Variants in TMCO1 observed in about 807,000 individuals in gnomAD.
TMCO1 encodes transmembrane and coiled-coil domains 1.
TMCO1 carries 29 observed loss-of-function variants against 29.3 expected under a neutral mutation model. The ratio of observed to expected loss-of-function variants is 0.99; its 90% CI spans 0.74 to 1.35. The LOEUF (loss-of-function observed/expected upper bound fraction) is 1.35. Among genes scored for constraint, TMCO1 ranks in the 40% most tolerant of loss-of-function variants. TMCO1 has a pLI of 0.00. For missense variants in TMCO1, 173 were observed against 225.5 expected, an observed-to-expected ratio of 0.77 and a Z score of 1.49; for synonymous variants, 80 against 77.1, an observed-to-expected ratio of 1.04 and a Z score of -0.20.
At chr1:165,752,226 T>A in intron 4 of TMCO1, 57 bp from the exon 5 acceptor site, 3 of 1,251,540 alleles carry the variant, frequency 2.4e-6, no homozygotes, top group African/African-American at 1.5e-5. Flanking sequence ...ATCTAAAGCA[T>A]ATCTCAAAAG....
At chr1:165,724,505 T>C (rs1650771344), downstream of TMCO1, 1 of 453,986 alleles carries the variant, frequency 2.2e-6, no homozygotes, top group Non-Finnish European at 4.4e-6. Context: ...ACCCCAAACC[T>C]GCAGCTTCAG....
rs532729479 is a variant in TMCO1, at chr1:165,736,995, T to C, written c.468+6172A>G. 1.2e-4 allele frequency among the ~76,000 whole-genome samples: 19 copies of C among 152,284 alleles called. No individual in the cohort carries two copies. In the East Asian group the frequency reaches 2.9e-3, roughly 23 times the overall value. On this transcript the variant is annotated intron_variant, in intron 6 of 6. Transcript: ENST00000367881. ...CTAATTTTTGTATTTTTTGTAGAGA[T>C]GAGATTTTGCTCTGTTATCCAGGCT...
intron 2 of TMCO1, among the ~76,000 whole-genome samples, chr1:165,765,739 C>T (rs1281399718): frequency 2.6e-5 from 4 of 152,068 alleles, no homozygotes; most frequent in Non-Finnish European, 5.9e-5. Context: ...AAGAGTATGG[C>T]TAGTATGTGT....
At chr1:165,732,588 C>T (rs1392641254) in intron 6 of TMCO1, among the ~76,000 whole-genome samples, 1 of 151,476 alleles carries the variant, frequency 6.6e-6, no homozygotes, top group Non-Finnish European at 1.5e-5. Flanking sequence ...AAAGAATGGA[C>T]CCTAACATAA....
At chr1:165,733,834 G>A (rs1651268626) in intron 6 of TMCO1, among the ~76,000 whole-genome samples, 1 of 152,186 alleles carries the variant, frequency 6.6e-6, no homozygotes, top group Admixed American at 6.5e-5. Flanking sequence ...CCATAATTGT[G>A]TCTTCTACTG....
chr1:165,725,571 G>A, downstream of TMCO1: 1 of 454,092 alleles, frequency 2.2e-6, no homozygotes, highest in Non-Finnish European at 4.4e-6. Flanking sequence ...CTAGACAGGA[G>A]ACAATCCATC....
At position 165,727,048 on chromosome 1, in the gene TMCO1, C is replaced by A. The variant is rs1434479908; in HGVS notation, c.*975G>T. 5 of 454,056 alleles carry A rather than the reference C, an allele frequency of 1.1e-5. No homozygotes were observed. In the East Asian group the frequency reaches 3.5e-4, roughly 32 times the overall value. 28.1% of individuals were successfully genotyped at this position (454,056 alleles called of 1,614,324 possible). A position where few individuals can be genotyped will look rare whatever the true frequency, so the allele number is the denominator to read the frequency against. ...GCATATTTATTGATAAGACTCCACA[C>A]AGGACTCCTAATTCCATAGATTATG... On this transcript the variant is annotated 3_prime_UTR_variant, in exon 7 of 7. Coordinates refer to ENST00000367881, the MANE Select transcript of TMCO1 (RefSeq NM_019026.6).
chr1:165,734,028 C>T (rs1174000534), intron 6 of TMCO1, among the ~76,000 whole-genome samples: 1 of 152,226 alleles, frequency 6.6e-6, no homozygotes, highest in African/African-American at 2.4e-5. Context: ...TAAAATAACA[C>T]ACCTATGGCA....
chr1:165,766,687 G>A (rs112502420), intron 2 of TMCO1, among the ~76,000 whole-genome samples: 5,190 of 152,194 alleles, frequency 0.034, 306 homozygotes, highest in African/African-American at 0.12. Flanking sequence ...GTCTGAGGCA[G>A]GAGGATCGCT....
intron 6 of TMCO1, among the ~76,000 whole-genome samples, chr1:165,735,196 T>C (rs1180881165): frequency 6.6e-6 from 1 of 152,194 alleles, no homozygotes; most frequent in Non-Finnish European, 1.5e-5. Flanking sequence ...ATCTTTCCAA[T>C]GAAAATGTCC....
intron 6 of TMCO1, among the ~76,000 whole-genome samples, chr1:165,731,176 G>A (rs982043094): frequency 6.6e-6 from 1 of 152,134 alleles, no homozygotes; most frequent in African/African-American, 2.4e-5. Flanking sequence ...TGGAATTACA[G>A]GCATGAGCCA....
chr1:165,745,659 T>C (rs958782182), intron 5 of TMCO1, among the ~76,000 whole-genome samples: 1 of 151,676 alleles, frequency 6.6e-6, no homozygotes, highest in Non-Finnish European at 1.5e-5. Flanking sequence ...AAACAGATGA[T>C]CAAAGTTAAA....
At chr1:165,742,391 T>C (rs1272142389) in intron 6 of TMCO1, among the ~76,000 whole-genome samples, 1 of 152,092 alleles carries the variant, frequency 6.6e-6, no homozygotes, top group Non-Finnish European at 1.5e-5. Flanking sequence ...GCCTCTAGGG[T>C]AGCTGGGACT....
intron 6 of TMCO1, among the ~76,000 whole-genome samples, chr1:165,738,693 TA>T (rs571362485): frequency 5.9e-5 from 9 of 152,308 alleles, no homozygotes; most frequent in African/African-American, 1.9e-4. Flanking sequence ...TTATAATTAA[TA>T]AAACAAAAAG....
intron 5 of TMCO1, among the ~76,000 whole-genome samples, chr1:165,749,437 A>T (rs1651916994): frequency 6.6e-6 from 1 of 152,256 alleles, no homozygotes; most frequent in South Asian, 2.1e-4. Flanking sequence ...GATATTGACA[A>T]TGGTTAAAAA....
intron 2 of TMCO1, among the ~76,000 whole-genome samples, chr1:165,763,832 G>A (rs1167953949): frequency 1.3e-5 from 2 of 152,114 alleles, no homozygotes; most frequent in African/African-American, 4.8e-5. Context: ...TTGCCATGTT[G>A]CCCAGGCTGG....
At chr1:165,747,971 CAACATGGTGA>C (rs1257386013) in intron 5 of TMCO1, among the ~76,000 whole-genome samples, 1 of 152,086 alleles carries the variant, frequency 6.6e-6, no homozygotes, top group Admixed American at 6.6e-5. Context: ...CCAGCCTTGC[CAACATGGTGA>C]AACCCCATGT....
intron 6 of TMCO1, among the ~76,000 whole-genome samples, chr1:165,734,367 G>C (rs866883469): frequency 2.0e-5 from 3 of 152,042 alleles, no homozygotes; most frequent in African/African-American, 7.2e-5. Flanking sequence ...AAAACAATAG[G>C]AGTATCTTTT....
chr1:165,743,427 A>G, intron 5 of TMCO1, 116 bp from the exon 6 acceptor site: 1 of 1,068,346 alleles, frequency 9.4e-7, no homozygotes, highest in Non-Finnish European at 1.4e-6. Flanking sequence ...TCTGAAAAAC[A>G]AAGAGAGGGT....
Sources: allele counts gnomAD v4.1 joint callset (sites outside exome capture counted in the v4.1 genomes callset), GRCh38; gene constraint gnomAD v4.1.1; transcripts MANE v1.5; gene names NCBI Gene and HGNC (gene_info 2026-07-23, HGNC 2026-07-21).